TMEM178B: variants seen among roughly 807,000 people sequenced by gnomAD.
TMEM178B encodes the protein transmembrane protein 178B.
TMEM178B carries 5 observed loss-of-function variants against 31.0 expected under a neutral mutation model. The observed-to-expected ratio is 0.16, with a 90% confidence interval of 0.08 to 0.34. The LOEUF (loss-of-function observed/expected upper bound fraction) is 0.34, where lower values mean the gene tolerates loss of function less well. Ranked by LOEUF, TMEM178B falls within the 10% of genes least tolerant of loss-of-function variation. The pLI is 1.00. For synonymous variants in TMEM178B, 164 were observed against 164.0 expected (o/e 1.00, Z 0.00); for missense variants, 275 against 400.3 (o/e 0.69, Z 2.67).
chr7:141,221,041 C>T (rs1201809284), intron 2 of TMEM178B, among the ~76,000 whole-genome samples: 1 of 152,168 alleles, frequency 6.6e-6, no homozygotes, highest in East Asian at 1.9e-4. Context: ...CTGACATGTA[C>T]ACTTCATGGG....
intron 2 of TMEM178B, among the ~76,000 whole-genome samples, chr7:141,262,008 CA>C (rs941730079): frequency 4.6e-5 from 7 of 152,130 alleles, no homozygotes; most frequent in African/African-American, 1.7e-4. Flanking sequence ...GTTAGGGCCA[CA>C]AGGACCTTAC....
At chr7:141,503,768 C>T in the TMEM178B span, among the ~76,000 whole-genome samples, 6 of 152,312 alleles carry the variant, frequency 3.9e-5, no homozygotes, top group Admixed American at 3.9e-4. Flanking sequence ...ATTGAGGTTT[C>T]ATGTGCAAAT....
At chr7:141,254,633 G>C (rs1384714557) in intron 2 of TMEM178B, among the ~76,000 whole-genome samples, 1 of 152,120 alleles carries the variant, frequency 6.6e-6, no homozygotes, top group Non-Finnish European at 1.5e-5. Flanking sequence ...CAGGAGAATG[G>C]CTTGAACCCG....
intron 1 of TMEM178B, among the ~76,000 whole-genome samples, chr7:141,212,082 C>T (rs542579967): frequency 6.6e-6 from 1 of 152,160 alleles, no homozygotes; most frequent in Non-Finnish European, 1.5e-5. Context: ...TTCAAAGAGA[C>T]ACGGATTGAT....
intron 2 of TMEM178B, among the ~76,000 whole-genome samples, chr7:141,387,312 C>G (rs578195227): frequency 1.3e-5 from 2 of 152,286 alleles, no homozygotes; most frequent in African/African-American, 2.4e-5. Flanking sequence ...TTTATTTTTA[C>G]AGTAACGCCA....
intron 2 of TMEM178B, among the ~76,000 whole-genome samples, chr7:141,225,812 C>G (rs981470692): frequency 2.0e-5 from 3 of 152,134 alleles, no homozygotes. Flanking sequence ...ATGTTTGCCC[C>G]TTGATGTGCC....
At chr7:141,167,011 T>C (rs936205162) in intron 1 of TMEM178B, among the ~76,000 whole-genome samples, 8 of 152,190 alleles carry the variant, frequency 5.3e-5, no homozygotes, top group African/African-American at 1.4e-4. Context: ...AATATTATGT[T>C]TGGAAAATGA....
chr7:141,137,721 A>G (rs983339940), intron 1 of TMEM178B, among the ~76,000 whole-genome samples: 6 of 152,204 alleles, frequency 3.9e-5, no homozygotes, highest in Non-Finnish European at 7.3e-5. Flanking sequence ...GAGGTGATGG[A>G]TATCCTAAAT....
In TMEM178B at chr7:141,477,628, G is replaced by T. The variant is rs1459898286; in HGVS notation, c.*6842G>T. 2.6e-5 allele frequency: 4 copies of T among 152,214 alleles called. No individual in the cohort carries two copies. Among genetic ancestry groups the T allele is most frequent in the Non-Finnish European group, 5.9e-5 (4 of 68,084 alleles). 9.4% of individuals were successfully genotyped at this position (152,214 alleles called of 1,614,324 possible). On this transcript the variant is annotated 3_prime_UTR_variant, in exon 4 of 4. Transcript: ENST00000565468. ...TCACCGGCTCACTCAGGGCCTTGGG[G>T]GAGTCTCATTACCTCACCTTGTCTC...
chr7:141,420,039 C>T (rs761025969), intron 2 of TMEM178B, among the ~76,000 whole-genome samples: 1 of 152,124 alleles, frequency 6.6e-6, no homozygotes, highest in Non-Finnish European at 1.5e-5. Flanking sequence ...ATTCACATAC[C>T]CATTCCCTCC....
chr7:141,336,889 CG>C (rs1799402764), intron 2 of TMEM178B, among the ~76,000 whole-genome samples: 1 of 104,524 alleles, frequency 9.6e-6, no homozygotes. Flanking sequence ...CCACCATCAC[CG>C]CTACCACCAC....
intron 2 of TMEM178B, among the ~76,000 whole-genome samples, chr7:141,421,843 T>A (rs1223727452): frequency 1.2e-4 from 18 of 152,078 alleles, no homozygotes; most frequent in Admixed American, 1.2e-3. Context: ...TACAACTTTT[T>A]TTTTTTTCTC....
At chr7:141,495,827 C>A in the TMEM178B span, among the ~76,000 whole-genome samples, 3 of 152,192 alleles carry the variant, frequency 2.0e-5, no homozygotes, top group Admixed American at 6.5e-5. Context: ...TAAGTTTGAT[C>A]TTAGAGGAGA....
intron 2 of TMEM178B, among the ~76,000 whole-genome samples, chr7:141,266,784 T>A (rs1379525990): frequency 6.6e-6 from 1 of 152,218 alleles, no homozygotes; most frequent in Admixed American, 6.5e-5. Context: ...GCATTGCTGT[T>A]GATTGATGAT....
chr7:141,189,654 C>T (rs1447817595), intron 1 of TMEM178B, among the ~76,000 whole-genome samples: 1 of 152,204 alleles, frequency 6.6e-6, no homozygotes, highest in East Asian at 1.9e-4. Context: ...TATACAAGGT[C>T]AGGGCAGAGT....
chr7:141,510,685 C>CAAAA, the TMEM178B span, among the ~76,000 whole-genome samples: 1,332 of 24,908 alleles, frequency 0.053, 287 homozygotes, highest in Middle Eastern at 0.077. Flanking sequence ...AACTCCGTCT[C>CAAAA]AAAAAAAAAA....
In TMEM178B at chr7:141,383,823, C is replaced by T. The variant is rs183166364; in HGVS notation, c.497-53785C>T. ...CTTCTACAATGGTTGAACTAGTTTACAGACCCATCAACAGAGTAAAAGTGT... is the reference window on the plus strand; with the variant it reads ...CTTCTACAATGGTTGAACTAGTTTATAGACCCATCAACAGAGTAAAAGTGT... On this transcript the variant is annotated intron_variant, in intron 2 of 3. Transcript: ENST00000565468. 3.2e-3 allele frequency among the ~76,000 whole-genome samples: 494 copies of T among 152,284 alleles called. 2 individuals carry two copies. Among genetic ancestry groups the T allele is most frequent in the Middle Eastern group, 0.017 (5 of 294 alleles).
At chr7:141,108,733 G>A (rs1795185716) in intron 1 of TMEM178B, among the ~76,000 whole-genome samples, 1 of 152,268 alleles carries the variant, frequency 6.6e-6, no homozygotes, top group Non-Finnish European at 1.5e-5. Context: ...AGACTAGTTT[G>A]GCATGATTGT....
intron 2 of TMEM178B, among the ~76,000 whole-genome samples, chr7:141,385,956 G>T (rs139060463): frequency 1.3e-5 from 2 of 152,312 alleles, no homozygotes; most frequent in Non-Finnish European, 2.9e-5. Flanking sequence ...TTCTTCTGGG[G>T]CTTCTTTCTG....
Sources: allele counts gnomAD v4.1 joint callset (sites outside exome capture counted in the v4.1 genomes callset), GRCh38; gene constraint gnomAD v4.1.1; transcripts MANE v1.5; gene names NCBI Gene and HGNC (gene_info 2026-07-23, HGNC 2026-07-21).